The following ME2 variants were observed in gnomAD, a reference collection of about 807,000 sequenced individuals.
The protein encoded by ME2 is NAD-dependent malic enzyme, mitochondrial.
In ME2, 60 loss-of-function variants were observed where a neutral mutation model predicts 73.7. That is an observed-to-expected ratio of 0.81 (90% CI 0.66 to 1.01). The LOEUF is 1.01. ME2 is among the 50% of genes least tolerant of loss of function. The pLI is 0.00. For synonymous variants in ME2, 199 were observed against 236.9 expected, an observed-to-expected ratio of 0.84 and a Z score of 1.47; for missense variants, 594 against 705.5, an observed-to-expected ratio of 0.84 and a Z score of 1.79.
intron 15 of ME2, among the ~76,000 whole-genome samples, chr18:50,941,682 GT>G (rs11388576): frequency 2.3e-4 from 33 of 141,826 alleles, no homozygotes; most frequent in Middle Eastern, 3.6e-3. Context: ...GGCTGTGATG[GT>G]TTTTTTTTTT....
intron 1 of ME2, among the ~76,000 whole-genome samples, chr18:50,893,458 G>A (rs2144193047): frequency 6.6e-6 from 1 of 152,252 alleles, no homozygotes; most frequent in South Asian, 2.1e-4. Context: ...TCAATATGTT[G>A]TGTTACCTTT....
intron 2 of ME2, among the ~76,000 whole-genome samples, chr18:50,900,237 TAGG>T (rs1916853708): frequency 6.6e-6 from 1 of 151,310 alleles, no homozygotes; most frequent in Non-Finnish European, 1.5e-5. Flanking sequence ...TAAATAAGAA[TAGG>T]GGGAGGAAGA....
intron 3 of ME2, 145 bp from the exon 4 acceptor site, chr18:50,912,656 A>G: frequency 1.7e-6 from 1 of 594,834 alleles, no homozygotes; most frequent in Non-Finnish European, 2.7e-6. Context: ...AATAGTAATA[A>G]TCTAAGGTTT....
chr18:50,924,685 TTTG>T (rs1917504176), intron 11 of ME2, among the ~76,000 whole-genome samples: 1 of 151,992 alleles, frequency 6.6e-6, no homozygotes. Flanking sequence ...TGTAAGTTTT[TTTG>T]TTTTCTTGTT....
At chr18:50,903,185 T>C (rs1916931959) in intron 2 of ME2, among the ~76,000 whole-genome samples, 1 of 152,226 alleles carries the variant, frequency 6.6e-6, no homozygotes, top group Admixed American at 6.5e-5. Flanking sequence ...TGATCATTTC[T>C]GCTTAATACT....
Position 50,895,802 on chromosome 18 carries a change from T to C in ME2, c.-12-7T>C. ...CTTCAGTGGTTTATTTGCTTTGTTTTTCTCAGGTGAAAGAAAAGATGTTGT... is the reference window on the plus strand; with the variant it reads ...CTTCAGTGGTTTATTTGCTTTGTTTCTCTCAGGTGAAAGAAAAGATGTTGT... On this transcript the variant is annotated splice_polypyrimidine_tract_variant and splice_region_variant and intron_variant, in intron 1 of 15. Coordinates refer to ENST00000321341, the MANE Select transcript of ME2 (RefSeq NM_002396.5). 1 of 1,581,098 alleles carries C rather than the reference T, an allele frequency of 6.3e-7. No individual in the cohort carries two copies. The highest frequency in any genetic ancestry group is 8.7e-7 in the Non-Finnish European group (1 of 1,152,486).
intron 3 of ME2, among the ~76,000 whole-genome samples, chr18:50,912,485 C>T (rs1454241697): frequency 1.3e-5 from 2 of 152,146 alleles, no homozygotes; most frequent in African/African-American, 4.8e-5. Context: ...ATTCTTTAAG[C>T]GTAAGGACCT....
chr18:50,904,360 C>T (rs190275849), intron 2 of ME2, among the ~76,000 whole-genome samples: 19 of 151,426 alleles, frequency 1.3e-4, no homozygotes, highest in African/African-American at 4.1e-4. Flanking sequence ...CTCACTGCAA[C>T]CTCCACCTCC....
intron 1 of ME2, among the ~76,000 whole-genome samples, chr18:50,887,775 C>T (rs959625729): frequency 5.9e-5 from 9 of 152,118 alleles, no homozygotes; most frequent in African/African-American, 1.7e-4. Flanking sequence ...GTGTATGGGA[C>T]CACCATCAAA....
intron 2 of ME2, among the ~76,000 whole-genome samples, chr18:50,897,003 C>A (rs772701452): frequency 2.6e-5 from 4 of 152,220 alleles, no homozygotes; most frequent in Admixed American, 6.5e-5. Context: ...CATTTCAAAT[C>A]CAGTTCTCCT....
intron 4 of ME2, among the ~76,000 whole-genome samples, chr18:50,915,203 AGT>A (rs1917258342): frequency 6.6e-6 from 1 of 152,190 alleles, no homozygotes; most frequent in Non-Finnish European, 1.5e-5. Flanking sequence ...CATACAAAAT[AGT>A]GTTAGTCAGC....
rs1918179070 is a variant in ME2, at chr18:50,949,737, A to G, written c.*2553A>G. 1 of 152,224 alleles carries G rather than the reference A, an allele frequency of 6.6e-6. No individual in the cohort carries two copies. Among genetic ancestry groups the G allele is most frequent in the South Asian group, 2.1e-4 (1 of 4,834 alleles). 9.4% of individuals were successfully genotyped at this position (152,224 alleles called of 1,614,324 possible). A position where few individuals can be genotyped will look rare whatever the true frequency, so the allele number is the denominator to read the frequency against. On this transcript the variant is annotated 3_prime_UTR_variant, in exon 16 of 16. Coordinates refer to ENST00000321341, the MANE Select transcript of ME2 (RefSeq NM_002396.5). Reference sequence around the variant, plus strand: ...GGAAGTTATTAAGTATTTTAAGGAAAAAAATAGGCTAAATGGCATATAGCC... The same window carrying G: ...GGAAGTTATTAAGTATTTTAAGGAAGAAAATAGGCTAAATGGCATATAGCC...
intron 2 of ME2, 82 bp from the exon 3 acceptor site, chr18:50,907,981 C>T: frequency 9.3e-7 from 1 of 1,074,916 alleles, no homozygotes; most frequent in South Asian, 1.9e-5. Context: ...TTCAAATTTG[C>T]ATTTAAATTA....
chr18:50,936,408 T>G (rs561964838), intron 13 of ME2, among the ~76,000 whole-genome samples: 1 of 152,196 alleles, frequency 6.6e-6, no homozygotes, highest in African/African-American at 2.4e-5. Context: ...TAATCCCACA[T>G]AGAAACCCTA....
At chr18:50,942,806 C>T (rs539444726) in intron 15 of ME2, 85 of 260,796 alleles carry the variant, frequency 3.3e-4, no homozygotes, top group African/African-American at 1.8e-3. Context: ...TTTGAACAAT[C>T]TTATTTTAAT....
chr18:50,912,930 A>G lies in ME2; in HGVS notation c.372A>G (p.Gly124=), dbSNP rs1250198875. 3.7e-6 allele frequency: 6 copies of G among 1,604,698 alleles called. No individual in the cohort carries two copies. Among genetic ancestry groups the G allele is most frequent in the Middle Eastern group, 1.7e-4 (1 of 6,046 alleles). ...TTGGTCTTGCCTGCTCCCAGTATGG[A>G]CACATCTTTAGAAGACCTAAGTAAG... ...PTVGLACSQY[G]HIFRRPKGLF... is the part of the protein sequence containing the mutation. The change falls in exon 4 of 16, where the codon GGA becomes GGG. Residue 124 remains glycine (G), a synonymous_variant. Coordinates refer to ENST00000321341, the MANE Select transcript of ME2 (RefSeq NM_002396.5).
chr18:50,942,178 A>T (rs1917980388), intron 15 of ME2, among the ~76,000 whole-genome samples: 1 of 152,108 alleles, frequency 6.6e-6, no homozygotes, highest in African/African-American at 2.4e-5. Context: ...ATTTATTTTA[A>T]TGTATGATAT....
intron 15 of ME2, 97 bp from the exon 16 acceptor site, chr18:50,946,920 C>T (rs1041007035): frequency 1.2e-6 from 1 of 843,748 alleles, no homozygotes; most frequent in Non-Finnish European, 1.9e-6. Flanking sequence ...AGAAGAATGC[C>T]ATTCTTCTAA....
At position 50,895,957 on chromosome 18, in the gene ME2, TTCTC is replaced by T. The variant is rs772703415; in HGVS notation, c.108+33_108+36del. On this transcript the variant is annotated intron_variant, in intron 2 of 15. Coordinates refer to ENST00000321341, the MANE Select transcript of ME2 (RefSeq NM_002396.5). ...AGTAACATTAATATCAATGTACATT[TTCTC>T]TCTTCTTATTAAAGTTTGATATATT... 14 of 1,415,454 alleles carry T rather than the reference TTCTC, an allele frequency of 9.9e-6. No homozygotes were observed. The Admixed American group carries it at 1.0e-4, about 10-fold the overall frequency. The allele number at this position is 1,415,454 out of a possible 1,614,324, so 87.7% of individuals were successfully genotyped here. A position where few individuals can be genotyped will look rare whatever the true frequency, so the allele number is the denominator to read the frequency against.
Sources: gnomAD v4.1 joint callset for allele counts (sites outside exome capture counted in the v4.1 genomes callset) on GRCh38, gnomAD v4.1.1 for gene constraint, MANE v1.5 for transcripts, NCBI Gene and HGNC (gene_info 2026-07-23, HGNC 2026-07-21) for gene names.